NUP98: variants seen among roughly 807,000 people sequenced by gnomAD.
NUP98 encodes the protein nuclear pore complex protein Nup98-Nup96.
A neutral mutation model predicts 191.9 loss-of-function variants in NUP98; 26 were observed. The ratio of observed to expected loss-of-function variants is 0.14; its 90% CI spans 0.10 to 0.19. NUP98 has a LOEUF of 0.19. Ranked by LOEUF, NUP98 falls within the 10% of genes least tolerant of loss-of-function variation. The pLI is 1.00. For synonymous variants in NUP98, 808 were observed against 778.4 expected (o/e 1.04, Z -0.63); for missense variants, 1,941 against 2,178.8 (o/e 0.89, Z 2.17).
Position 3,715,709 on chromosome 11 carries a change from C to G in NUP98, c.2400-1714G>C, listed in dbSNP as rs371264371. On this transcript the variant is annotated intron_variant, in intron 18 of 32. Coordinates refer to ENST00000324932, the MANE Select transcript of NUP98 (RefSeq NM_016320.5). ...CAACCTGGCCAACATGGTGAAACTC[C>G]TGAGTTCAGCTGAACCTCCTGCCTC... Among the ~76,000 whole-genome samples, 10 of 152,260 alleles carry G rather than the reference C, an allele frequency of 6.6e-5. No homozygotes were observed. In the East Asian group the frequency reaches 1.4e-3, roughly 21 times the overall value.
intron 1 of NUP98, among the ~76,000 whole-genome samples, chr11:3,791,996 G>A (rs1386255927): frequency 6.6e-6 from 1 of 151,130 alleles, no homozygotes; most frequent in Non-Finnish European, 1.5e-5. Flanking sequence ...TGGCTAACAC[G>A]GTGAAACCCC....
chr11:3,712,143 AC>A, intron 20 of NUP98: 4 of 1,062,854 alleles, frequency 3.8e-6, no homozygotes, highest in Non-Finnish European at 4.6e-6. Flanking sequence ...GAGATTAAAA[AC>A]CCTTTCAGAA....
chr11:3,741,143 A>T (rs553203921), intron 12 of NUP98, among the ~76,000 whole-genome samples: 1 of 152,078 alleles, frequency 6.6e-6, no homozygotes, highest in South Asian at 2.1e-4. Flanking sequence ...TTAAATGGGA[A>T]TGAAAAGGAC....
chr11:3,703,686 T>C (rs1165397401), intron 22 of NUP98, among the ~76,000 whole-genome samples: 1 of 152,146 alleles, frequency 6.6e-6, no homozygotes, highest in Non-Finnish European at 1.5e-5. Context: ...AAGGTAACGA[T>C]TTCTTAGCAC....
chr11:3,790,202 C>T (rs1229023420), intron 1 of NUP98, among the ~76,000 whole-genome samples: 1 of 152,170 alleles, frequency 6.6e-6, no homozygotes, highest in Non-Finnish European at 1.5e-5. Flanking sequence ...GAACTGTTCC[C>T]TTCACGAACA....
At chr11:3,712,131 T>C (rs1018605666) in intron 20 of NUP98, 1 of 1,060,202 alleles carries the variant, frequency 9.4e-7, no homozygotes, top group Admixed American at 5.4e-5. Context: ...TTTAAAAAAA[T>C]GGAGATTAAA....
At chr11:3,753,634 T>C (rs35811097) in intron 10 of NUP98, among the ~76,000 whole-genome samples, 82 of 151,620 alleles carry the variant, frequency 5.4e-4, no homozygotes, top group Middle Eastern at 3.4e-3. Flanking sequence ...TCAAAGGCCA[T>C]GCGCGGTGGC....
At chr11:3,694,437 TAA>T (rs148615330) in intron 26 of NUP98, among the ~76,000 whole-genome samples, 2 of 143,254 alleles carry the variant, frequency 1.4e-5, no homozygotes. Flanking sequence ...ACAGTAGGTT[TAA>T]AAAAAAAAAA....
intron 6 of NUP98, among the ~76,000 whole-genome samples, chr11:3,772,683 C>A (rs905986695): frequency 1.3e-5 from 2 of 151,914 alleles, no homozygotes; most frequent in Non-Finnish European, 2.9e-5. Context: ...GGCATAGTGG[C>A]GTGCAGCTGC....
In NUP98 at chr11:3,702,694, G is replaced by A. The variant is rs1440880017; in HGVS notation, c.3281C>T (p.Thr1094Ile). ...AGGGACTAGGCCTAGTTGCCTACGTGTACCCACTGTTTTCAACGGAACCTC... is the reference window on the plus strand; with the variant it reads ...AGGGACTAGGCCTAGTTGCCTACGTATACCCACTGTTTTCAACGGAACCTC... Reference protein sequence around the residue: ...APEVPLKTVGTRRQLGLVPRE... With the variant: ...APEVPLKTVGIRRQLGLVPRE... The change falls in exon 23 of 33, where the codon ACA becomes ATA. Residue 1094 changes from threonine (T) to isoleucine (I), a missense_variant. Physicochemically the swap from Thr to Ile is moderately conservative, Grantham distance 89. Coordinates refer to ENST00000324932, the MANE Select transcript of NUP98 (RefSeq NM_016320.5). 1 of 1,614,186 alleles carries A rather than the reference G, an allele frequency of 6.2e-7. No homozygotes were observed. The highest frequency in any genetic ancestry group is 2.2e-5 in the East Asian group (1 of 44,884).
At chr11:3,783,425 G>A (rs578051880) in intron 1 of NUP98, among the ~76,000 whole-genome samples, 17 of 152,134 alleles carry the variant, frequency 1.1e-4, no homozygotes, top group Admixed American at 9.2e-4. Flanking sequence ...TTGGCTGGGC[G>A]CGGTGGCTCA....
At chr11:3,690,402 G>C (rs1224760000) in intron 28 of NUP98, among the ~76,000 whole-genome samples, 1 of 152,036 alleles carries the variant, frequency 6.6e-6, no homozygotes, top group Non-Finnish European at 1.5e-5. Context: ...TGGGACTACG[G>C]GCGCCCGCCA....
intron 29 of NUP98, among the ~76,000 whole-genome samples, chr11:3,684,566 T>C (rs911359704): frequency 6.6e-6 from 1 of 152,170 alleles, no homozygotes; most frequent in Admixed American, 6.5e-5. Flanking sequence ...TGAAATCCTT[T>C]ATGACTGTGT....
At chr11:3,778,845 T>A in intron 4 of NUP98, 28 bp downstream of exon 4, 6 of 1,602,986 alleles carry the variant, frequency 3.7e-6, no homozygotes, top group Non-Finnish European at 5.1e-6. Context: ...AATTATTAGA[T>A]GCAGAACTCC....
At chr11:3,735,585 G>A (rs1459524196) in intron 12 of NUP98, among the ~76,000 whole-genome samples, 8 of 152,070 alleles carry the variant, frequency 5.3e-5, no homozygotes, top group Admixed American at 2.6e-4. Context: ...AGTGTTCACT[G>A]TCACTACTAA....
chr11:3,767,151 C>T (rs546280346), intron 8 of NUP98, among the ~76,000 whole-genome samples: 2 of 152,028 alleles, frequency 1.3e-5, no homozygotes, highest in South Asian at 2.1e-4. Flanking sequence ...TTGGTAGAGA[C>T]GGGGTTTCAC....
intron 25 of NUP98, among the ~76,000 whole-genome samples, chr11:3,697,820 T>TAAAAAAAAAAAAAAAA (rs199874258): frequency 1.0e-5 from 1 of 97,156 alleles, no homozygotes; most frequent in African/African-American, 3.9e-5. Context: ...GACTCTGTCT[T>TAAAAAAAAAAAAAAAA]AAAAAAAAAA....
At position 3,699,094 on chromosome 11, in the gene NUP98, C is replaced by T. The variant is rs1422095797; in HGVS notation, c.3997G>A (p.Ala1333Thr). 5 of 1,612,380 alleles carry T rather than the reference C, an allele frequency of 3.1e-6. No individual in the cohort carries two copies. The highest frequency in any genetic ancestry group is 4.2e-6 in the Non-Finnish European group (5 of 1,179,944). The change falls in exon 25 of 33, where the codon GCC becomes ACC. Residue 1333 changes from alanine (A) to threonine (T), a missense_variant. Transcript: ENST00000324932. Reference protein sequence around the residue: ...GKRISEACSLAQQSGDHRLAL... With the variant: ...GKRISEACSLTQQSGDHRLAL... ...ATGCCTTCCCCACCTGACTGCTGGG[C>T]CAGAGAGCAGGCCTCACTGATCCTT...
chr11:3,752,664 C>T (rs2080808225), intron 11 of NUP98, among the ~76,000 whole-genome samples: 1 of 151,774 alleles, frequency 6.6e-6, no homozygotes, highest in African/African-American at 2.4e-5. Context: ...ACCACACCTG[C>T]AGTCAAACGA....
Sources: allele counts gnomAD v4.1 joint callset (sites outside exome capture counted in the v4.1 genomes callset), GRCh38; gene constraint gnomAD v4.1.1; transcripts MANE v1.5; gene names NCBI Gene and HGNC (gene_info 2026-07-23, HGNC 2026-07-21).